Variants in CYFIP2 observed in about 807,000 individuals in gnomAD.
CYFIP2 encodes cytoplasmic FMR1 interacting protein 2, also known as cytoplasmic FMR1-interacting protein 2.
CYFIP2 carries 29 observed loss-of-function variants against 158.7 expected under a neutral mutation model. The ratio of observed to expected loss-of-function variants is 0.18; its 90% CI spans 0.14 to 0.25. The LOEUF (loss-of-function observed/expected upper bound fraction) is 0.25. CYFIP2 is among the 10% of genes least tolerant of loss of function. The pLI, the probability that CYFIP2 is intolerant of heterozygous loss-of-function variation, is 1.00. For synonymous variants in CYFIP2, 585 were observed against 617.6 expected, an observed-to-expected ratio of 0.95 and a Z score of 0.78; for missense variants, 852 against 1,639.5, an observed-to-expected ratio of 0.52 and a Z score of 8.29.
chr5:157,355,896 C>T (rs368685957), intron 23 of CYFIP2, among the ~76,000 whole-genome samples: 1 of 152,318 alleles, frequency 6.6e-6, no homozygotes, highest in East Asian at 1.9e-4. Flanking sequence ...CACCTGGTGC[C>T]TGTGCTGGCT....
At chr5:157,379,317 C>G (rs1237888380) in intron 26 of CYFIP2, among the ~76,000 whole-genome samples, 2 of 151,960 alleles carry the variant, frequency 1.3e-5, no homozygotes, top group East Asian at 3.9e-4. Context: ...TGACTCCTTT[C>G]CATGAAAGGA....
At chr5:157,278,846 T>G (rs924095250) in intron 1 of CYFIP2, among the ~76,000 whole-genome samples, 2 of 152,202 alleles carry the variant, frequency 1.3e-5, no homozygotes, top group Non-Finnish European at 2.9e-5. Context: ...ATGGAGTCAC[T>G]CATGCTAAAT....
chr5:157,384,550 G>A (rs28534661), intron 28 of CYFIP2: 222 of 454,434 alleles, frequency 4.9e-4, no homozygotes, highest in African/African-American at 2.9e-3. Flanking sequence ...TTTGGAGCAC[G>A]ATGCAAAGCC....
intron 16 of CYFIP2, 28 bp from the exon 17 acceptor site, chr5:157,325,454 C>G (rs770236095): frequency 6.4e-7 from 1 of 1,571,486 alleles, no homozygotes; most frequent in Non-Finnish European, 8.6e-7. Flanking sequence ...CTAAAAGTAA[C>G]CAAAGGCTCG....
intron 1 of CYFIP2, among the ~76,000 whole-genome samples, chr5:157,268,119 G>A (rs1481063568): frequency 6.6e-6 from 1 of 152,220 alleles, no homozygotes; most frequent in South Asian, 2.1e-4. Context: ...TAGTGTTGTT[G>A]CTTACAAAGT....
At chr5:157,306,180 G>A (rs1046709740) in intron 8 of CYFIP2, among the ~76,000 whole-genome samples, 1 of 152,146 alleles carries the variant, frequency 6.6e-6, no homozygotes, top group Non-Finnish European at 1.5e-5. Context: ...GAGAATCCCA[G>A]CCCTGTGTTG....
chr5:157,386,194 A>T (rs1315303659), intron 28 of CYFIP2, among the ~76,000 whole-genome samples: 1 of 152,156 alleles, frequency 6.6e-6, no homozygotes, highest in African/African-American at 2.4e-5. Context: ...TCTCAAGTTG[A>T]TGAAGACTAT....
intron 26 of CYFIP2, among the ~76,000 whole-genome samples, chr5:157,377,717 T>G (rs1424717724): frequency 1.3e-5 from 2 of 152,246 alleles, no homozygotes; most frequent in Non-Finnish European, 2.9e-5. Context: ...CTTCAGAATT[T>G]GGTACAACCT....
intron 2 of CYFIP2, among the ~76,000 whole-genome samples, chr5:157,286,485 A>G (rs1246385942): frequency 6.7e-6 from 1 of 149,386 alleles, no homozygotes; most frequent in East Asian, 1.9e-4. Flanking sequence ...CAATACCACA[A>G]TACTACCACA....
intron 1 of CYFIP2, among the ~76,000 whole-genome samples, chr5:157,274,689 A>G (rs978959487): frequency 1.3e-5 from 2 of 152,208 alleles, no homozygotes; most frequent in Non-Finnish European, 2.9e-5. Context: ...CATTCCCATT[A>G]GCAACGGTAT....
chr5:157,309,651 C>T, intron 9 of CYFIP2, 92 bp from the exon 10 acceptor site: 1 of 1,178,508 alleles, frequency 8.5e-7, no homozygotes, highest in Non-Finnish European at 1.2e-6. Flanking sequence ...CAGGCACACA[C>T]AGAGGCCTGC....
At position 157,393,351 on chromosome 5, in the gene CYFIP2, A is replaced by AT. The variant is rs1767502234; in HGVS notation, c.*352dup. 5.1e-6 allele frequency: 1 copy of AT among 196,618 alleles called. No individual in the cohort carries two copies. Among genetic ancestry groups the AT allele is most frequent in the African/African-American group, 2.4e-5 (1 of 42,500 alleles). The allele number at this position is 196,618 out of a possible 1,614,324, so 12.2% of individuals were successfully genotyped here. On this transcript the variant is annotated 3_prime_UTR_variant, in exon 31 of 31. Coordinates refer to ENST00000620254, the MANE Select transcript of CYFIP2 (RefSeq NM_001037333.3). ...TTGCTTCCCAAGACCTCCTCCCAAG[A>AT]TAGACATCTCCTACCCAGTGCCCTT...
intron 3 of CYFIP2, among the ~76,000 whole-genome samples, chr5:157,291,896 T>A (rs1757846427): frequency 6.6e-6 from 1 of 152,222 alleles, no homozygotes; most frequent in Non-Finnish European, 1.5e-5. Flanking sequence ...CCTAGTAAAA[T>A]TCTTTCTTTG....
At chr5:157,366,897 A>T (rs912611244) in intron 26 of CYFIP2, among the ~76,000 whole-genome samples, 1 of 152,140 alleles carries the variant, frequency 6.6e-6, no homozygotes, top group Non-Finnish European at 1.5e-5. Flanking sequence ...ATTGTTTGTT[A>T]TGCCAGCATA....
chr5:157,294,054 G>A (rs1234805708), intron 3 of CYFIP2, among the ~76,000 whole-genome samples: 1 of 152,188 alleles, frequency 6.6e-6, no homozygotes, highest in Admixed American at 6.5e-5. Context: ...ATTTGTAAGA[G>A]CAATTGGGGA....
At chr5:157,304,560 A>T in intron 8 of CYFIP2, 194 bp downstream of exon 8, 1 of 542,984 alleles carries the variant, frequency 1.8e-6, no homozygotes, top group Non-Finnish European at 3.1e-6. Context: ...GATGTCATTA[A>T]GGCTATTTCT....
At chr5:157,314,870 T>C in intron 12 of CYFIP2, 99 bp from the exon 13 acceptor site, 4 of 1,006,546 alleles carry the variant, frequency 4.0e-6, no homozygotes, top group South Asian at 1.7e-5. Flanking sequence ...ACTTTATTCC[T>C]TTTTTCCAGC....
intron 26 of CYFIP2, among the ~76,000 whole-genome samples, chr5:157,372,142 C>T (rs1765051239): frequency 1.3e-5 from 2 of 152,024 alleles, no homozygotes; most frequent in African/African-American, 4.8e-5. Flanking sequence ...CCTGGTTCCA[C>T]AAAAAAGCTA....
intron 23 of CYFIP2, among the ~76,000 whole-genome samples, 198 bp downstream of exon 23, chr5:157,341,355 G>A (rs1762237969): frequency 6.6e-6 from 1 of 151,974 alleles, no homozygotes; most frequent in South Asian, 2.1e-4. Flanking sequence ...TTTGAGAACA[G>A]CCTGGACAAC....
Sources: allele counts gnomAD v4.1 joint callset (sites outside exome capture counted in the v4.1 genomes callset), GRCh38; gene constraint gnomAD v4.1.1; transcripts MANE v1.5; gene names NCBI Gene and HGNC (gene_info 2026-07-23, HGNC 2026-07-21).